CSMD3: variants seen among roughly 807,000 people sequenced by gnomAD.
CSMD3 encodes the protein CUB and sushi domain-containing protein 3.
Under a neutral mutation model 435.2 loss-of-function variants are expected in CSMD3, and 177 were observed. The ratio of observed to expected loss-of-function variants is 0.41; its 90% CI spans 0.36 to 0.46. The LOEUF (loss-of-function observed/expected upper bound fraction) is 0.46, where lower values mean the gene tolerates loss of function less well. Among genes scored for constraint, CSMD3 ranks in the 20% least tolerant of loss-of-function variants. The pLI is 0.34. For missense variants in CSMD3, 4,265 were observed against 4,504.6 expected (o/e 0.95, Z 1.52); for synonymous variants, 1,656 against 1,520.5 (o/e 1.09, Z -2.07).
At chr8:112,435,676 G>A (rs2130445882) in intron 32 of CSMD3, among the ~76,000 whole-genome samples, 1 of 152,098 alleles carries the variant, frequency 6.6e-6, no homozygotes, top group South Asian at 2.1e-4. Context: ...TTAGTGGAAT[G>A]CCTACTAAGA....
intron 10 of CSMD3, among the ~76,000 whole-genome samples, chr8:112,867,965 T>C (rs1340699427): frequency 6.6e-6 from 1 of 152,188 alleles, no homozygotes; most frequent in African/African-American, 2.4e-5. Flanking sequence ...TTTTGACACT[T>C]ATAACAACAC....
chr8:112,615,457 T>A (rs565828431), intron 22 of CSMD3, among the ~76,000 whole-genome samples: 11 of 152,212 alleles, frequency 7.2e-5, no homozygotes, highest in African/African-American at 2.4e-4. Context: ...GTTTTTTTTA[T>A]CTTTCCAGAT....
At chr8:112,817,246 T>G (rs2079399931) in intron 12 of CSMD3, among the ~76,000 whole-genome samples, 1 of 152,072 alleles carries the variant, frequency 6.6e-6, no homozygotes, top group Non-Finnish European at 1.5e-5. Flanking sequence ...TCTGGTAGAA[T>G]TAATGTCTCA....
intron 5 of CSMD3, among the ~76,000 whole-genome samples, chr8:113,091,118 T>G (rs1422816506): frequency 6.6e-6 from 1 of 151,690 alleles, no homozygotes; most frequent in Non-Finnish European, 1.5e-5. Flanking sequence ...GTTAATAAAT[T>G]ACAGAAAAAA....
In CSMD3 at chr8:112,311,184, A is replaced by C. The variant is rs1272467286; in HGVS notation, c.7697-18T>G. ...GTAGAAAGCTTTTCAAAAGAAAAAA[A>C]AAATGCTGTTTAATTAATGAATCAG... On this transcript the variant is annotated intron_variant, in intron 49 of 70. Coordinates refer to ENST00000297405, the MANE Select transcript of CSMD3 (RefSeq NM_198123.2). 2 of 1,602,072 alleles carry C rather than the reference A, an allele frequency of 1.2e-6. No individual in the cohort carries two copies. Among genetic ancestry groups the C allele is most frequent in the Non-Finnish European group, 1.7e-6 (2 of 1,169,124 alleles).
In CSMD3 at chr8:112,343,012, T is replaced by C. The variant is rs1039935876; in HGVS notation, c.6443-1326A>G. Among the ~76,000 whole-genome samples, 482 of 95,376 alleles carry C rather than the reference T, an allele frequency of 5.1e-3. 5 individuals are homozygous for C. The highest frequency in any genetic ancestry group is 0.014 in the African/African-American group (469 of 33,694). 62.6% of individuals were successfully genotyped at this position (95,376 alleles called of 152,430 possible). A position where few individuals can be genotyped will look rare whatever the true frequency, so the allele number is the denominator to read the frequency against. ...TTATATATATATATTTATATATATA[T>C]ATATTTATATATATATATATAGTTT... On this transcript the variant is annotated intron_variant, in intron 41 of 70. Transcript: ENST00000297405.
intron 4 of CSMD3, among the ~76,000 whole-genome samples, chr8:113,114,892 T>C (rs1483998355): frequency 6.6e-6 from 1 of 152,164 alleles, no homozygotes; most frequent in African/African-American, 2.4e-5. Flanking sequence ...ATCAAGTGGA[T>C]TGGGAAATCA....
intron 9 of CSMD3, among the ~76,000 whole-genome samples, chr8:112,937,597 A>G (rs554787909): frequency 6.6e-6 from 1 of 152,068 alleles, no homozygotes; most frequent in South Asian, 2.1e-4. Flanking sequence ...GTGATCCGCC[A>G]GCCTCAGCCT....
At chr8:112,569,392 A>G (rs959175239) in intron 24 of CSMD3, among the ~76,000 whole-genome samples, 2 of 152,184 alleles carry the variant, frequency 1.3e-5, no homozygotes, top group African/African-American at 4.8e-5. Context: ...TGTTTAGGCC[A>G]TGGTAAGGTT....
rs180954050 is a variant in CSMD3, at chr8:112,737,971, T to C, written c.1973-47921A>G. Reference sequence around the variant, plus strand: ...TAATGTAAATCATTACCTAAACTCATTTATTTTTAGAACTGTGATTACATT... The same window carrying C: ...TAATGTAAATCATTACCTAAACTCACTTATTTTTAGAACTGTGATTACATT... On this transcript the variant is annotated intron_variant, in intron 13 of 70. Transcript: ENST00000297405. 4.3e-4 allele frequency among the ~76,000 whole-genome samples: 66 copies of C among 151,996 alleles called. No homozygotes were observed. In the East Asian group the frequency reaches 9.1e-3, roughly 21 times the overall value.
At chr8:112,459,278 A>C (rs1586393991) in intron 32 of CSMD3, among the ~76,000 whole-genome samples, 1 of 145,488 alleles carries the variant, frequency 6.9e-6, no homozygotes, top group South Asian at 2.1e-4. Context: ...TTCTCATTAT[A>C]CTTTGGGTTT....
At chr8:113,146,383 G>A (rs1278102967) in intron 4 of CSMD3, among the ~76,000 whole-genome samples, 4 of 151,420 alleles carry the variant, frequency 2.6e-5, no homozygotes, top group African/African-American at 7.3e-5. Context: ...GGTAATAAGA[G>A]TATCAGTGAC....
intron 4 of CSMD3, among the ~76,000 whole-genome samples, chr8:113,153,281 T>C (rs1248372175): frequency 6.6e-6 from 1 of 151,734 alleles, no homozygotes; most frequent in Non-Finnish European, 1.5e-5. Flanking sequence ...AGGGAATTTG[T>C]CTTTGCATCA....
intron 4 of CSMD3, among the ~76,000 whole-genome samples, chr8:113,155,809 A>G (rs72685881): frequency 0.015 from 2,338 of 152,196 alleles, 30 homozygotes; most frequent in Non-Finnish European, 0.02. Context: ...TATATTCAGT[A>G]TGTAACTGAT....
At chr8:112,341,363 G>GTTTTTTTT in intron 42 of CSMD3, 114 bp downstream of exon 42, 2 of 670,396 alleles carry the variant, frequency 3.0e-6, no homozygotes, top group Non-Finnish European at 2.4e-6. Context: ...CTTGGCTTAA[G>GTTTTTTTT]TTTTTTTTTT....
chr8:112,718,564 A>G, intron 13 of CSMD3, among the ~76,000 whole-genome samples: 1 of 151,148 alleles, frequency 6.6e-6, no homozygotes, highest in East Asian at 1.9e-4. Context: ...AATATGCATA[A>G]TAATGCAAGA....
chr8:112,742,887 G>A (rs919438447), intron 13 of CSMD3, among the ~76,000 whole-genome samples: 33 of 152,114 alleles, frequency 2.2e-4, no homozygotes, highest in Middle Eastern at 3.4e-3. Flanking sequence ...CTGCTTAATG[G>A]ATGTGTGGCC....
intron 41 of CSMD3, among the ~76,000 whole-genome samples, chr8:112,344,627 G>A (rs913617000): frequency 6.6e-6 from 1 of 152,040 alleles, no homozygotes; most frequent in African/African-American, 2.4e-5. Flanking sequence ...ATTCATCCTA[G>A]TCTTCTGTGA....
chr8:112,450,905 G>T (rs1232553071), intron 32 of CSMD3, among the ~76,000 whole-genome samples: 2 of 151,990 alleles, frequency 1.3e-5, no homozygotes, highest in Non-Finnish European at 2.9e-5. Flanking sequence ...TCCTCTTATA[G>T]GAATCTAGTC....
Sources: allele counts gnomAD v4.1 joint callset (sites outside exome capture counted in the v4.1 genomes callset), GRCh38; gene constraint gnomAD v4.1.1; transcripts MANE v1.5; gene names NCBI Gene and HGNC (gene_info 2026-07-23, HGNC 2026-07-21).